The following PIGN variants were observed in gnomAD, a reference collection of about 807,000 sequenced individuals.
PIGN encodes phosphatidylinositol glycan anchor biosynthesis class N.
In PIGN, 117 loss-of-function variants were observed where a neutral mutation model predicts 125.4. That is an observed-to-expected ratio of 0.93 (90% confidence interval 0.80 to 1.09). The LOEUF (loss-of-function observed/expected upper bound fraction) is 1.09, where lower values mean the gene tolerates loss of function less well. Among genes scored for constraint, PIGN ranks in the 50% least tolerant of loss-of-function variants. The pLI is 0.00. For synonymous variants in PIGN, 392 were observed against 377.8 expected, an observed-to-expected ratio of 1.04 and a Z score of -0.44; for missense variants, 1,075 against 1,094.9, an observed-to-expected ratio of 0.98 and a Z score of 0.26.
chr18:62,144,672 T>C (rs545201018), intron 10 of PIGN, among the ~76,000 whole-genome samples: 1 of 152,338 alleles, frequency 6.6e-6, no homozygotes, highest in Admixed American at 6.5e-5. Flanking sequence ...TCCTGCTCCA[T>C]AAGGGAAACT....
At chr18:62,081,526 GTT>G (rs2033448051) in intron 28 of PIGN, among the ~76,000 whole-genome samples, 1 of 152,088 alleles carries the variant, frequency 6.6e-6, no homozygotes, top group Non-Finnish European at 1.5e-5. Context: ...GTTGTGTTTT[GTT>G]TTTCATTGCA....
At chr18:62,147,991 T>C (rs1269683913) in intron 8 of PIGN, among the ~76,000 whole-genome samples, 1 of 152,106 alleles carries the variant, frequency 6.6e-6, no homozygotes, top group Non-Finnish European at 1.5e-5. Context: ...ATGTAATATG[T>C]ACAGGATATA....
At position 62,045,801 on chromosome 18, in the gene PIGN, A is replaced by C; in HGVS notation, c.*55T>G. 1 of 1,588,938 alleles carries C rather than the reference A, an allele frequency of 6.3e-7. No homozygotes were observed. Among genetic ancestry groups the C allele is most frequent in the Non-Finnish European group, 8.6e-7 (1 of 1,160,204 alleles). ...ATCTTCTTATTGAAGCCTTGATGAG[A>C]TTTTAGCTTAAAAGGAGAATCAGGA... On this transcript the variant is annotated 3_prime_UTR_variant, in exon 31 of 31. Coordinates refer to ENST00000640252, the MANE Select transcript of PIGN (RefSeq NM_176787.5).
rs1366165987 is a variant in PIGN at position 62,150,881 on chromosome 18, T to C, written c.550-2543A>G. Among the ~76,000 whole-genome samples the C allele has an allele frequency of 3.9e-5, 6 of 152,162 alleles. No homozygotes were observed. In the East Asian group the frequency reaches 7.7e-4, roughly 20 times the overall value. ...CATGCCCGGCTAATTTTTGTATTTT[T>C]AGTAGAGACAGGGTTTCACCATGTT... On this transcript the variant is annotated intron_variant, in intron 7 of 30. Transcript: ENST00000640252.
rs187291382 is a variant in PIGN at position 62,115,482 on chromosome 18, A to T, written c.1173-843T>A. On this transcript the variant is annotated intron_variant, in intron 14 of 30. Transcript: ENST00000640252. ...ATGCAAAGTTATTTAAGGCTATATT[A>T]GGTTGGATCACATGAAATTGATGTT... 1.1e-3 allele frequency among the ~76,000 whole-genome samples: 170 copies of T among 152,306 alleles called. 2 individuals are homozygous for T. The highest frequency in any genetic ancestry group is 3.4e-3 in the Middle Eastern group (1 of 294).
chr18:62,088,743 C>G lies in PIGN; in HGVS notation c.2370+13G>C. On this transcript the variant is annotated intron_variant, in intron 25 of 30. Transcript: ENST00000640252. ...GTTGCAGCTCTTTAAACCAAAGTCT[C>G]CACAAAGGATACAAGGAAAAAGGCC... is the stretch of plus-strand genomic sequence containing the variant. 1 of 1,490,752 alleles carries G rather than the reference C, an allele frequency of 6.7e-7. No individual in the cohort carries two copies. The highest frequency in any genetic ancestry group is 9.2e-7 in the Non-Finnish European group (1 of 1,088,742). 92.3% of individuals were successfully genotyped at this position (1,490,752 alleles called of 1,614,324 possible).
chr18:62,096,133 A>C (rs1227565308), intron 22 of PIGN, among the ~76,000 whole-genome samples, 183 bp from the exon 23 acceptor site: 1 of 152,124 alleles, frequency 6.6e-6, no homozygotes, highest in Non-Finnish European at 1.5e-5. Flanking sequence ...CGTCTCTACT[A>C]AAAATACAAA....
At chr18:62,074,996 G>A (rs1427816053) in intron 28 of PIGN, 175 bp from the exon 29 acceptor site, 7 of 487,358 alleles carry the variant, frequency 1.4e-5, no homozygotes, top group South Asian at 6.0e-5. Flanking sequence ...CCATAGAGAT[G>A]AGCTGGACTG....
At chr18:62,118,048 G>A (rs1054527582) in intron 14 of PIGN, among the ~76,000 whole-genome samples, 1 of 152,040 alleles carries the variant, frequency 6.6e-6, no homozygotes, top group Non-Finnish European at 1.5e-5. Context: ...ACATAGGAGT[G>A]CAGATTATCT....
At chr18:62,072,524 G>A in intron 30 of PIGN, 149 bp downstream of exon 30, 1 of 612,690 alleles carries the variant, frequency 1.6e-6, no homozygotes, top group Non-Finnish European at 2.9e-6. Context: ...GCAATAGGCT[G>A]TACCATATCC....
rs1177683172 is a variant in PIGN, at chr18:62,042,089, GGC to G, written c.*3765_*3766del. On this transcript the variant is annotated 3_prime_UTR_variant, in exon 31 of 31. Coordinates refer to ENST00000640252, the MANE Select transcript of PIGN (RefSeq NM_176787.5). ...TAATCCCAGCACTTTGGGAGGCCGA[GGC>G]GGGTGAACTGCTTGAGGTCAGGAGT... 6.6e-6 allele frequency: 1 copy of G among 152,194 alleles called. No homozygotes were observed. Among genetic ancestry groups the G allele is most frequent in the Admixed American group, 6.5e-5 (1 of 15,282 alleles). 9.4% of individuals were successfully genotyped at this position (152,194 alleles called of 1,614,324 possible).
chr18:62,123,274 TAGAAA>T (rs879754760), intron 14 of PIGN, among the ~76,000 whole-genome samples: 14 of 152,152 alleles, frequency 9.2e-5, no homozygotes, highest in African/African-American at 3.1e-4. Context: ...AAGACTATAA[TAGAAA>T]AAAATTCTTA....
At chr18:62,075,282 TAGCCAC>T (rs1236957480) in intron 28 of PIGN, 3 of 153,222 alleles carry the variant, frequency 2.0e-5, no homozygotes, top group African/African-American at 7.2e-5. Context: ...TGCCATTTTA[TAGCCAC>T]ATCTGTCCTC....
rs186229772 is a variant in PIGN, at chr18:62,018,594, G to T, written c.2143-853C>A. On this transcript the variant is annotated intron_variant, in intron 23 of 24. Coordinates refer to the PIGN transcript ENST00000639600. ...GTTACATACCTTTACCTTGTGCTGG[G>T]CTCTGAGCTGAGCACATGGTTTGTT... Among the ~76,000 whole-genome samples the T allele has an allele frequency of 1.1e-4, 16 of 152,210 alleles. No homozygotes were observed. The East Asian group carries it at 3.1e-3, about 29-fold the overall frequency.
chr18:62,078,270 C>G (rs985703261), intron 28 of PIGN, among the ~76,000 whole-genome samples: 1 of 152,142 alleles, frequency 6.6e-6, no homozygotes, highest in African/African-American at 2.4e-5. Flanking sequence ...AAAGGTTTAA[C>G]AGAGAATACG....
chr18:62,138,563 C>A (rs1321618351), intron 13 of PIGN, among the ~76,000 whole-genome samples: 1 of 152,090 alleles, frequency 6.6e-6, no homozygotes, highest in African/African-American at 2.4e-5. Context: ...GAAAATAAAA[C>A]AAGCCAAACC....
chr18:62,068,456 T>C (rs965953989), intron 30 of PIGN, among the ~76,000 whole-genome samples: 1 of 152,178 alleles, frequency 6.6e-6, no homozygotes, highest in Non-Finnish European at 1.5e-5. Flanking sequence ...TTTGCTAAGT[T>C]TGTTTATTTT....
intron 14 of PIGN, chr18:62,137,308 C>T: frequency 2.4e-6 from 1 of 410,576 alleles, no homozygotes; most frequent in East Asian, 3.6e-5. Flanking sequence ...GCTATACTGT[C>T]AGCTTCCCTA....
chr18:62,071,191 A>C (rs894759207), intron 30 of PIGN, among the ~76,000 whole-genome samples: 1 of 152,226 alleles, frequency 6.6e-6, no homozygotes, highest in South Asian at 2.1e-4. Flanking sequence ...ATCACATGAA[A>C]TTTAAACCAC....
Sources: allele counts gnomAD v4.1 joint callset (sites outside exome capture counted in the v4.1 genomes callset), GRCh38; gene constraint gnomAD v4.1.1; transcripts MANE v1.5; gene names NCBI Gene and HGNC (gene_info 2026-07-23, HGNC 2026-07-21).